LRP1B: variants seen among roughly 807,000 people sequenced by gnomAD.
LRP1B encodes low-density lipoprotein receptor-related protein 1B.
In LRP1B, 217 loss-of-function variants were observed where a neutral mutation model predicts 556.6. The ratio of observed to expected loss-of-function variants is 0.39; its 90% CI spans 0.35 to 0.44. LRP1B has a LOEUF of 0.44. Among genes scored for constraint, LRP1B ranks in the 20% least tolerant of loss-of-function variants. The pLI, the probability that LRP1B is intolerant of heterozygous loss-of-function variation, is 1.00. For synonymous variants in LRP1B, 2,047 were observed against 1,865.8 expected, an observed-to-expected ratio of 1.10 and a Z score of -2.50; for missense variants, 5,053 against 5,620.8, an observed-to-expected ratio of 0.90 and a Z score of 3.23.
intron 35 of LRP1B, among the ~76,000 whole-genome samples, chr2:140,740,264 A>C (rs2104865107): frequency 6.6e-6 from 1 of 152,318 alleles, no homozygotes; most frequent in African/African-American, 2.4e-5. Flanking sequence ...AAACCAACCC[A>C]AATGCCCATC....
intron 11 of LRP1B, among the ~76,000 whole-genome samples, chr2:141,024,346 G>T (rs1253489336): frequency 1.3e-5 from 2 of 151,866 alleles, no homozygotes; most frequent in Non-Finnish European, 2.9e-5. Flanking sequence ...TTCTCACTCA[G>T]AACAAAATAC....
At chr2:141,029,075 G>T (rs145434245) in intron 11 of LRP1B, among the ~76,000 whole-genome samples, 1 of 152,246 alleles carries the variant, frequency 6.6e-6, no homozygotes, top group African/African-American at 2.4e-5. Flanking sequence ...TCTGATGGAA[G>T]AACGTTCCAG....
At chr2:141,297,187 G>A (rs935215699) in intron 3 of LRP1B, among the ~76,000 whole-genome samples, 2 of 152,008 alleles carry the variant, frequency 1.3e-5, no homozygotes, top group Non-Finnish European at 2.9e-5. Flanking sequence ...GTGTCTTTTC[G>A]GTAGAACAAT....
intron 43 of LRP1B, among the ~76,000 whole-genome samples, chr2:140,576,058 G>T (rs902859566): frequency 1.3e-5 from 2 of 152,132 alleles, no homozygotes; most frequent in African/African-American, 4.8e-5. Flanking sequence ...CAGTCCACAT[G>T]CTAAACCAAC....
chr2:141,245,080 C>T (rs1021094538), intron 5 of LRP1B, among the ~76,000 whole-genome samples: 1 of 152,150 alleles, frequency 6.6e-6, no homozygotes, highest in African/African-American at 2.4e-5. Context: ...TTAGATTACA[C>T]TCTCTGTGTA....
At chr2:140,833,248 C>T (rs975988598) in intron 31 of LRP1B, among the ~76,000 whole-genome samples, 2 of 152,156 alleles carry the variant, frequency 1.3e-5, no homozygotes, top group Admixed American at 1.3e-4. Flanking sequence ...ACAATAATCA[C>T]ACAAATCCAC....
At chr2:140,434,082 C>G (rs1403833686) in intron 66 of LRP1B, among the ~76,000 whole-genome samples, 1 of 147,266 alleles carries the variant, frequency 6.8e-6, no homozygotes, top group Non-Finnish European at 1.5e-5. Context: ...ATTTTTTTTT[C>G]ATTTTGAGAT....
intron 3 of LRP1B, among the ~76,000 whole-genome samples, chr2:141,337,364 T>C (rs1687883524): frequency 6.6e-6 from 1 of 152,222 alleles, no homozygotes; most frequent in Admixed American, 6.5e-5. Flanking sequence ...TCTGTGCAAG[T>C]CATATCATAG....
rs562213097 is a variant in LRP1B at position 141,242,213 on chromosome 2, A to G, written c.592+5013T>C. ...CTATGTGGCAGAGAATTCTTCCCCCACTACACAGACACCTGCCAATTCTCC... is the reference window on the plus strand; with the variant it reads ...CTATGTGGCAGAGAATTCTTCCCCCGCTACACAGACACCTGCCAATTCTCC... On this transcript the variant is annotated intron_variant, in intron 5 of 90. Transcript: ENST00000389484. 5.3e-5 allele frequency among the ~76,000 whole-genome samples: 8 copies of G among 152,062 alleles called. No individual in the cohort carries two copies. In the East Asian group the frequency reaches 1.5e-3, roughly 29 times the overall value.
chr2:140,398,715 T>C (rs969381515), intron 66 of LRP1B, among the ~76,000 whole-genome samples: 3 of 152,134 alleles, frequency 2.0e-5, no homozygotes, highest in Non-Finnish European at 4.4e-5. Context: ...CTTATGTAAT[T>C]ATATTTGTCT....
At chr2:140,476,857 G>A (rs1430371240) in intron 59 of LRP1B, among the ~76,000 whole-genome samples, 1 of 151,910 alleles carries the variant, frequency 6.6e-6, no homozygotes, top group East Asian at 1.9e-4. Flanking sequence ...TTCACATAGG[G>A]CAATACCGGA....
At chr2:141,139,986 T>C (rs188636022) in intron 7 of LRP1B, among the ~76,000 whole-genome samples, 27 of 152,118 alleles carry the variant, frequency 1.8e-4, no homozygotes, top group African/African-American at 5.8e-4. Context: ...GTGGTATATA[T>C]GTAAAATGAA....
intron 1 of LRP1B, among the ~76,000 whole-genome samples, chr2:141,944,114 T>C (rs1370455646): frequency 6.6e-6 from 1 of 152,066 alleles, no homozygotes; most frequent in African/African-American, 2.4e-5. Flanking sequence ...GGCTGTCTCA[T>C]TAATGGCACT....
At chr2:141,224,205 C>A (rs77956403) in intron 6 of LRP1B, among the ~76,000 whole-genome samples, 1 of 152,116 alleles carries the variant, frequency 6.6e-6, no homozygotes, top group South Asian at 2.1e-4. Flanking sequence ...ACAAACACCT[C>A]AAAAGATGAC....
At chr2:141,325,114 T>G (rs113066286) in intron 3 of LRP1B, among the ~76,000 whole-genome samples, 3,193 of 151,808 alleles carry the variant, frequency 0.021, 57 homozygotes, top group Non-Finnish European at 0.034. Context: ...TTAGATAAAA[T>G]GTTAAAGGCT....
At chr2:140,803,444 TTTTATTTATTTTATTATTTA>T (rs1263384962) in intron 32 of LRP1B, among the ~76,000 whole-genome samples, 1 of 150,746 alleles carries the variant, frequency 6.6e-6, no homozygotes, top group Admixed American at 6.6e-5. Flanking sequence ...GCCCGGCTAT[TTTTATTTATTTTATTATTTA>T]TTTATTTATT....
intron 32 of LRP1B, among the ~76,000 whole-genome samples, chr2:140,787,558 A>ATTTTTTTTTTTTTTTTTTTT (rs756825067): frequency 6.7e-5 from 3 of 44,660 alleles, no homozygotes; most frequent in African/African-American, 3.3e-4. Flanking sequence ...AAAACAGAAG[A>ATTTTTTTTTTTTTTTTTTTT]TTTTTTTTTT....
intron 1 of LRP1B, among the ~76,000 whole-genome samples, chr2:141,974,784 G>T (rs917510506): frequency 6.6e-6 from 1 of 152,124 alleles, no homozygotes; most frequent in African/African-American, 2.4e-5. Context: ...TCCAACCAAA[G>T]CAATTTGAAA....
chr2:141,957,734 A>G (rs961792032), intron 1 of LRP1B, among the ~76,000 whole-genome samples: 4 of 152,004 alleles, frequency 2.6e-5, no homozygotes, highest in African/African-American at 9.7e-5. Context: ...ATTGATTTGT[A>G]GGAGGAGGAT....
Sources: allele counts gnomAD v4.1 joint callset (sites outside exome capture counted in the v4.1 genomes callset), GRCh38; gene constraint gnomAD v4.1.1; transcripts MANE v1.5; gene names NCBI Gene and HGNC (gene_info 2026-07-23, HGNC 2026-07-21).